The following SLC12A8 variants were observed in gnomAD, a reference collection of about 807,000 sequenced individuals.
SLC12A8 encodes the protein cation-chloride cotransporter 9.
In SLC12A8, 69 loss-of-function variants were observed where a neutral mutation model predicts 75.6. The ratio of observed to expected loss-of-function variants is 0.91; its 90% CI spans 0.75 to 1.11. The LOEUF is 1.11. Among genes scored for constraint, SLC12A8 ranks in the 50% most tolerant of loss-of-function variants. SLC12A8 has a pLI of 0.00. For missense variants in SLC12A8, 877 were observed against 896.7 expected (o/e 0.98, Z 0.28); for synonymous variants, 365 against 372.8 (o/e 0.98, Z 0.24).
chr3:125,108,111 T>C lies in SLC12A8; in HGVS notation c.1075A>G (p.Thr359Ala). ...GTCAGGCAGATGGCAGCCACGGGTG[T>C]TTTGTTTGGCCCCTTCTGCAGGAAC... is the stretch of plus-strand genomic sequence containing the variant. ...CLGQGKGPNK[T>A]PVAAICLTSL... The change falls in exon 10 of 14, where the codon ACA becomes GCA. Residue 359 changes from threonine to alanine, a missense_variant. Physicochemically the swap from Thr to Ala is moderately conservative, Grantham distance 58. Transcript: ENST00000469902. 1 of 1,613,412 alleles carries C rather than the reference T, an allele frequency of 6.2e-7. No individual in the cohort carries two copies. The highest frequency in any genetic ancestry group is 8.5e-7 in the Non-Finnish European group (1 of 1,179,572).
At chr3:125,120,814 A>G (rs1313172457) in intron 6 of SLC12A8, 128 bp from the exon 7 acceptor site, 2 of 737,856 alleles carry the variant, frequency 2.7e-6, no homozygotes, top group Admixed American at 4.0e-5. Flanking sequence ...CTCCAGCTGC[A>G]GCTCTGCGCA....
chr3:125,183,050 C>CA (rs1934700561), intron 4 of SLC12A8, among the ~76,000 whole-genome samples: 1 of 152,040 alleles, frequency 6.6e-6, no homozygotes, highest in Admixed American at 6.6e-5. Flanking sequence ...TATGTTTACG[C>CA]AAAAACTAAA....
chr3:125,157,564 C>T (rs1464027664), intron 5 of SLC12A8, among the ~76,000 whole-genome samples: 3 of 152,316 alleles, frequency 2.0e-5, no homozygotes, highest in South Asian at 2.1e-4. Flanking sequence ...ACCCTTCTGG[C>T]CCTCTGTCCC....
rs578035639 is a variant in SLC12A8 at position 125,133,922 on chromosome 3, C to A, written c.736+1747G>T. On this transcript the variant is annotated intron_variant, in intron 6 of 13. Coordinates refer to ENST00000469902, the MANE Select transcript of SLC12A8 (RefSeq NM_024628.6). ...AAGTTTCCTTCTGCACTTTAGTAAT[C>A]CCTCCTTCGTGCTCCTCTCACTCCC... Among the ~76,000 whole-genome samples, 3 of 152,174 alleles carry A rather than the reference C, an allele frequency of 2.0e-5. No homozygotes were observed. In the South Asian group the frequency reaches 6.2e-4, roughly 32 times the overall value.
chr3:125,107,929 C>T lies in SLC12A8; in HGVS notation c.1257G>A (p.Val419=). ...SCSLTPVPEP[V]LREGAEGLHC... is the part of the protein sequence containing the mutation. ...GGAGGCCTTCTGCGCCCTCCCTGAGCACCGGCTCAGGCACCGGGGTCAGGC... is the reference window on the plus strand; with the variant it reads ...GGAGGCCTTCTGCGCCCTCCCTGAGTACCGGCTCAGGCACCGGGGTCAGGC... Residue 419 remains valine, a synonymous_variant, in exon 10 of 14, where the codon GTG becomes GTA. Transcript: ENST00000469902. 1 of 1,614,206 alleles carries T rather than the reference C, an allele frequency of 6.2e-7. No homozygotes were observed. Among genetic ancestry groups the T allele is most frequent in the Non-Finnish European group, 8.5e-7 (1 of 1,180,042 alleles).
chr3:125,147,731 T>C (rs1933820346), intron 5 of SLC12A8, among the ~76,000 whole-genome samples: 1 of 152,180 alleles, frequency 6.6e-6, no homozygotes. Flanking sequence ...AGGATGCTGC[T>C]GCTCCTGACT....
intron 8 of SLC12A8, among the ~76,000 whole-genome samples, chr3:125,111,864 A>G (rs999839552): frequency 1.3e-5 from 2 of 152,226 alleles, no homozygotes; most frequent in African/African-American, 2.4e-5. Context: ...AGGAGGCTAA[A>G]GGATGAGGCT....
intron 3 of SLC12A8, among the ~76,000 whole-genome samples, chr3:125,189,801 G>T (rs1441153463): frequency 1.3e-5 from 2 of 152,148 alleles, no homozygotes; most frequent in African/African-American, 4.8e-5. Flanking sequence ...TGCTTGGAAG[G>T]TCCTAGGATG....
chr3:125,095,801 T>C (rs938618334), intron 10 of SLC12A8, among the ~76,000 whole-genome samples: 6 of 152,288 alleles, frequency 3.9e-5, no homozygotes, highest in Admixed American at 3.9e-4. Flanking sequence ...TCCCACGGAG[T>C]TGGAACACCC....
chr3:125,097,980 A>C (rs1208606871), intron 10 of SLC12A8, among the ~76,000 whole-genome samples: 1 of 152,218 alleles, frequency 6.6e-6, no homozygotes, highest in African/African-American at 2.4e-5. Flanking sequence ...AAGGCAAAAT[A>C]TTAAATTGAC....
chr3:125,087,048 C>T (rs143852177), intron 13 of SLC12A8, among the ~76,000 whole-genome samples: 71 of 151,444 alleles, frequency 4.7e-4, no homozygotes, highest in South Asian at 4.2e-4. Context: ...GCACACTGCA[C>T]GTAAACATGG....
At chr3:125,151,901 G>T (rs568853256) in intron 5 of SLC12A8, among the ~76,000 whole-genome samples, 32 of 152,268 alleles carry the variant, frequency 2.1e-4, no homozygotes, top group African/African-American at 7.5e-4. Context: ...GAGGAAATAC[G>T]TTTTATTACA....
intron 10 of SLC12A8, among the ~76,000 whole-genome samples, chr3:125,101,742 C>T (rs1483494989): frequency 1.6e-4 from 24 of 152,160 alleles, no homozygotes. Flanking sequence ...AATATTTATT[C>T]CATTGTGATT....
intron 5 of SLC12A8, among the ~76,000 whole-genome samples, chr3:125,136,389 C>A (rs1052957641): frequency 7.9e-5 from 12 of 152,194 alleles, no homozygotes; most frequent in African/African-American, 2.9e-4. Context: ...TGGGCCAACT[C>A]TTCAAGCTCA....
At chr3:125,209,943 C>G (rs576387006) in intron 2 of SLC12A8, among the ~76,000 whole-genome samples, 9 of 152,104 alleles carry the variant, frequency 5.9e-5, no homozygotes, top group Admixed American at 5.9e-4. Flanking sequence ...GGTACCTTAA[C>G]AAGACAGTGC....
chr3:125,087,038 G>T (rs1938475647), intron 13 of SLC12A8, among the ~76,000 whole-genome samples: 1 of 151,880 alleles, frequency 6.6e-6, no homozygotes, highest in Non-Finnish European at 1.5e-5. Context: ...CCACTGAACT[G>T]CACACTGCAC....
At chr3:125,190,086 G>A (rs551442479) in intron 3 of SLC12A8, among the ~76,000 whole-genome samples, 2 of 152,300 alleles carry the variant, frequency 1.3e-5, no homozygotes, top group South Asian at 4.1e-4. Flanking sequence ...CCATCAATCT[G>A]ATCTCTCTGA....
chr3:125,089,940 C>T (rs1460499896), intron 12 of SLC12A8, among the ~76,000 whole-genome samples: 5 of 151,654 alleles, frequency 3.3e-5, no homozygotes, highest in Non-Finnish European at 7.4e-5. Flanking sequence ...CCATTTTCAC[C>T]TTTATTCAGT....
intron 6 of SLC12A8, among the ~76,000 whole-genome samples, chr3:125,122,167 A>G (rs919473908): frequency 6.6e-6 from 1 of 152,332 alleles, no homozygotes. Context: ...AAAACAGAAC[A>G]CATGGTATGA....
Sources: gnomAD v4.1 joint callset for allele counts (sites outside exome capture counted in the v4.1 genomes callset) on GRCh38, gnomAD v4.1.1 for gene constraint, MANE v1.5 for transcripts, NCBI Gene and HGNC (gene_info 2026-07-23, HGNC 2026-07-21) for gene names.